The following ABCC3 variants were observed in gnomAD, a reference collection of about 807,000 sequenced individuals.
ABCC3 encodes the protein ATP-binding cassette sub-family C member 3.
Under a neutral mutation model 165.3 loss-of-function variants are expected in ABCC3, and 121 were observed. The ratio of observed to expected loss-of-function variants is 0.73; its 90% CI spans 0.63 to 0.85. The LOEUF (loss-of-function observed/expected upper bound fraction) is 0.85, where lower values mean the gene tolerates loss of function less well. Among genes scored for constraint, ABCC3 ranks in the 40% least tolerant of loss-of-function variants. ABCC3 has a pLI of 0.00. For synonymous variants in ABCC3, 733 were observed against 810.1 expected, an observed-to-expected ratio of 0.90 and a Z score of 1.62; for missense variants, 1,869 against 1,964.1, an observed-to-expected ratio of 0.95 and a Z score of 0.92.
intron 26 of ABCC3, among the ~76,000 whole-genome samples, chr17:50,681,981 A>G (rs1001780462): frequency 1.3e-5 from 2 of 151,860 alleles, no homozygotes; most frequent in African/African-American, 4.8e-5. Flanking sequence ...ATGGATACCC[A>G]TGCTCCTGTC....
Position 50,669,440 on chromosome 17 carries a change from A to G in ABCC3, c.2153A>G (p.Lys718Arg). 3.7e-6 allele frequency: 6 copies of G among 1,614,258 alleles called. No individual in the cohort carries two copies. The highest frequency in any genetic ancestry group is 5.1e-6 in the Non-Finnish European group (6 of 1,180,040). ...NVLFGKALNP[K>R]RYQQTLEACA... ...CTTTTCGGCAAAGCCCTGAACCCCA[A>G]GCGCTACCAGCAGACTCTGGAGGCC... The change falls in exon 17 of 31, where the codon AAG (lysine) becomes AGG (arginine). Residue 718 changes from lysine to arginine, a missense_variant. Physicochemically the swap from Lys to Arg is conservative, Grantham distance 26. Transcript: ENST00000285238.
intron 17 of ABCC3, among the ~76,000 whole-genome samples, chr17:50,670,544 T>C (rs1967626317): frequency 6.6e-6 from 1 of 152,208 alleles, no homozygotes; most frequent in Non-Finnish European, 1.5e-5. Context: ...TACCTTCATA[T>C]AGCTCACATT....
intron 17 of ABCC3, 101 bp from the exon 18 acceptor site, chr17:50,672,870 G>GA (rs376786367): frequency 0.12 from 114,745 of 936,938 alleles, 1 homozygote; most frequent in South Asian, 0.14. Flanking sequence ...CCCATCTCAG[G>GA]AAAAAAAAAA....
Position 50,659,326 on chromosome 17 carries a change from A to T in ABCC3, c.764A>T (p.Gln255Leu), listed in dbSNP as rs761014245. The change falls in exon 7 of 31, where the codon CAG becomes CTG. Residue 255 changes from glutamine (Q) to leucine (L), a missense_variant. By Grantham distance (113) the Gln-to-Leu change is moderately radical (BLOSUM62 -2). Coordinates refer to ENST00000285238, the MANE Select transcript of ABCC3 (RefSeq NM_003786.4). ...GACAGATCCCAGATGGTGGTGCAGC[A>T]GCTGCTGGAGGCATGGAGGAAGCAG... Reference protein sequence around the residue: ...EEDRSQMVVQQLLEAWRKQEK... With the variant: ...EEDRSQMVVQLLLEAWRKQEK... 7 of 1,613,200 alleles carry T rather than the reference A, an allele frequency of 4.3e-6. No homozygotes were observed. The highest frequency in any genetic ancestry group is 1.7e-4 in the Middle Eastern group (1 of 6,014).
At chr17:50,686,055 G>A (rs766856599) in intron 29 of ABCC3, among the ~76,000 whole-genome samples, 1 of 152,184 alleles carries the variant, frequency 6.6e-6, no homozygotes, top group African/African-American at 2.4e-5. Flanking sequence ...TTAGCTAGGC[G>A]TGATGGCGGG....
chr17:50,647,896 G>A (rs886902555), intron 1 of ABCC3, among the ~76,000 whole-genome samples: 3 of 152,182 alleles, frequency 2.0e-5, no homozygotes, highest in African/African-American at 2.4e-5. Context: ...AAAATTGGCC[G>A]GGCGTGGTGG....
Position 50,676,041 on chromosome 17 carries a change from C to T in ABCC3, c.3018C>T (p.Asn1006=), listed in dbSNP as rs144426196. 2.2e-5 allele frequency: 36 copies of T among 1,614,180 alleles called. No homozygotes were observed. The highest frequency in any genetic ancestry group is 1.5e-4 in the African/African-American group (11 of 75,036). Residue 1006 remains asparagine (N), a synonymous_variant, in exon 22 of 31, where the codon AAC becomes AAT. Transcript: ENST00000285238. ...TNDAMADSRQ[N]NTSLRLGVYA... ...ATGCCATGGCAGACAGTAGACAGAA[C>T]AACACTTCCCTGAGGCTGGGCGTCT...
chr17:50,673,608 G>A lies in ABCC3; in HGVS notation c.2549G>A (p.Cys850Tyr). The A allele has an allele frequency of 1.2e-6, 2 of 1,614,204 alleles. No individual in the cohort carries two copies. The highest frequency in any genetic ancestry group is 1.7e-6 in the Non-Finnish European group (2 of 1,180,034). The change falls in exon 19 of 31, where the codon TGC becomes TAC. Residue 850 changes from cysteine (C) to tyrosine (Y), a missense_variant. Coordinates refer to ENST00000285238, the MANE Select transcript of ABCC3 (RefSeq NM_003786.4). ...AACGGCTCCTTTGCCAACTTTCTCT[G>A]CAACTATGCCCCCGATGAGGACCAA... Reference protein sequence around the residue: ...QRNGSFANFLCNYAPDEDQGH... With the variant: ...QRNGSFANFLYNYAPDEDQGH...
At chr17:50,645,371 CAAAAAAAAAAA>C (rs141598761) in intron 1 of ABCC3, among the ~76,000 whole-genome samples, 41 of 46,874 alleles carry the variant, frequency 8.7e-4, no homozygotes, top group East Asian at 2.5e-3. Context: ...AAGATTCCAT[CAAAAAAAAAAA>C]AAAAAAAAAA....
At position 50,690,283 on chromosome 17, in the gene ABCC3, A is replaced by G. The variant is rs754810617; in HGVS notation, c.4476-809A>G. ...TGGGAGAGCATTCAGTCCTTACCCA[A>G]GAGCAATCAAAAGCCGCTGAAGACC... On this transcript the variant is annotated intron_variant, in intron 30 of 30. Transcript: ENST00000285238. Among the ~76,000 whole-genome samples, 105 of 149,998 alleles carry G rather than the reference A, an allele frequency of 7.0e-4. 1 individual carries two copies. The highest frequency in any genetic ancestry group is 1.6e-4 in the Non-Finnish European group (11 of 67,382).
chr17:50,663,608 A>G (rs1304439581), intron 8 of ABCC3, 73 bp from the exon 9 acceptor site: 1 of 1,548,600 alleles, frequency 6.5e-7, no homozygotes, highest in Non-Finnish European at 8.8e-7. Context: ...TGCGGGTAAA[A>G]GCAAAGGGCA....
chr17:50,649,332 T>C (rs1039323907), intron 1 of ABCC3, among the ~76,000 whole-genome samples: 5 of 152,116 alleles, frequency 3.3e-5, no homozygotes, highest in Admixed American at 3.3e-4. Context: ...AACAGCTTGA[T>C]TGGCGACAGA....
Position 50,683,767 on chromosome 17 carries a change from G to A in ABCC3, c.3954+11G>A, listed in dbSNP as rs768137487. 1.9e-6 allele frequency: 3 copies of A among 1,601,506 alleles called. No homozygotes were observed. The highest frequency in any genetic ancestry group is 2.6e-6 in the Non-Finnish European group (3 of 1,175,622). On this transcript the variant is annotated intron_variant, in intron 27 of 30. Coordinates refer to ENST00000285238, the MANE Select transcript of ABCC3 (RefSeq NM_003786.4). ...CACGGTGGCGAGAAGGTACGCGTGG[G>A]GTAGGCGGGCCTGCGTGTGTGTTCA... is the stretch of plus-strand genomic sequence containing the variant.
At chr17:50,673,223 A>T in intron 18 of ABCC3, 85 bp downstream of exon 18, 1 of 1,546,812 alleles carries the variant, frequency 6.5e-7, no homozygotes, top group Non-Finnish European at 8.8e-7. Context: ...GGTTTGGATG[A>T]GACTTGGAGG....
intron 20 of ABCC3, 27 bp downstream of exon 20, chr17:50,675,503 C>G: frequency 6.2e-7 from 1 of 1,605,128 alleles, no homozygotes; most frequent in Non-Finnish European, 8.5e-7. Context: ...TCCCAGCCCT[C>G]CCGGAGGCTG....
chr17:50,665,322 G>C, intron 11 of ABCC3, 77 bp downstream of exon 11: 1 of 1,358,700 alleles, frequency 7.4e-7, no homozygotes, highest in South Asian at 1.2e-5. Context: ...CACTAACCTT[G>C]GGGCCTCCCA....
chr17:50,673,204 A>T, intron 18 of ABCC3, 66 bp downstream of exon 18: 1 of 1,588,366 alleles, frequency 6.3e-7, no homozygotes, highest in South Asian at 1.1e-5. Flanking sequence ...AGCTGGTGAG[A>T]GGCTGAGGGG....
rs1163741242 is a variant in ABCC3, at chr17:50,674,034, CTCTT to C, written c.2599+414_2599+417del. On this transcript the variant is annotated intron_variant, in intron 19 of 30. Coordinates refer to ENST00000285238, the MANE Select transcript of ABCC3 (RefSeq NM_003786.4). ...TCTCTCTCTCTCTCTCTCTCTCTCT[CTCTT>C]TCTTTCTTTCTTTCTTTCTTTCTTT... is the stretch of plus-strand genomic sequence containing the variant. Among the ~76,000 whole-genome samples, 9 of 4,508 alleles carry C rather than the reference CTCTT, an allele frequency of 2.0e-3. 1 individual carries two copies. The highest frequency in any genetic ancestry group is 0.016 in the Admixed American group (5 of 316). 3.0% of individuals were successfully genotyped at this position (4,508 alleles called of 152,430 possible). A position where few individuals can be genotyped will look rare whatever the true frequency, so the allele number is the denominator to read the frequency against.
intron 10 of ABCC3, among the ~76,000 whole-genome samples, chr17:50,664,872 G>A (rs1216813108): frequency 1.1e-4 from 17 of 152,156 alleles, no homozygotes; most frequent in Non-Finnish European, 1.5e-5. Flanking sequence ...TTGGAGGGAG[G>A]TGGGTGTGAC....
Sources: gnomAD v4.1 joint callset for allele counts (sites outside exome capture counted in the v4.1 genomes callset) on GRCh38, gnomAD v4.1.1 for gene constraint, MANE v1.5 for transcripts, NCBI Gene and HGNC (gene_info 2026-07-23, HGNC 2026-07-21) for gene names.